The following SGCD variants were observed in gnomAD, a reference collection of about 807,000 sequenced individuals.
SGCD encodes delta-sarcoglycan.
Under a neutral mutation model 36.6 loss-of-function variants are expected in SGCD, and 18 were observed. The observed-to-expected ratio is 0.49, with a 90% CI of 0.34 to 0.73. The LOEUF (loss-of-function observed/expected upper bound fraction) is 0.73. Ranked by LOEUF, SGCD falls within the 30% of genes least tolerant of loss-of-function variation. The pLI is 0.01. For synonymous variants in SGCD, 133 were observed against 130.6 expected, an observed-to-expected ratio of 1.02 and a Z score of -0.12; for missense variants, 387 against 346.7, an observed-to-expected ratio of 1.12 and a Z score of -0.92.
intron 1 of SGCD, among the ~76,000 whole-genome samples, chr5:156,111,158 T>A (rs1259541418): frequency 3.3e-5 from 5 of 152,180 alleles, no homozygotes; most frequent in Admixed American, 6.5e-5. Flanking sequence ...TCAAATCTGT[T>A]TTCATACTTC....
intron 6 of SGCD, among the ~76,000 whole-genome samples, chr5:156,635,806 G>T (rs1762805447): frequency 7.3e-6 from 1 of 137,224 alleles, no homozygotes; most frequent in Non-Finnish European, 1.5e-5. Flanking sequence ...AAGACCACAT[G>T]TTCTCACTCA....
chr5:156,234,960 T>A (rs1171416823), intron 3 of SGCD, among the ~76,000 whole-genome samples: 1 of 152,178 alleles, frequency 6.6e-6, no homozygotes, highest in Non-Finnish European at 1.5e-5. Context: ...CCCTAACTGA[T>A]ACAAGGGAAG....
At chr5:156,562,350 A>G (rs1333295595) in intron 4 of SGCD, among the ~76,000 whole-genome samples, 1 of 152,176 alleles carries the variant, frequency 6.6e-6, no homozygotes, top group Non-Finnish European at 1.5e-5. Flanking sequence ...TTAAGCAAGC[A>G]CATGAAGGTG....
At chr5:155,950,411 T>A (rs1460040321) in intron 1 of SGCD, among the ~76,000 whole-genome samples, 4 of 152,180 alleles carry the variant, frequency 2.6e-5, no homozygotes, top group African/African-American at 9.6e-5. Flanking sequence ...ACCTAATGTC[T>A]ACGGCGAGGA....
At chr5:156,400,566 T>C (rs1772093579) in intron 3 of SGCD, among the ~76,000 whole-genome samples, 1 of 152,190 alleles carries the variant, frequency 6.6e-6, no homozygotes, top group Admixed American at 6.5e-5. Context: ...AAAAGAAAGA[T>C]CACCTACTCC....
chr5:156,443,628 G>C (rs1753602617), intron 3 of SGCD, among the ~76,000 whole-genome samples: 2 of 152,116 alleles, frequency 1.3e-5, no homozygotes, highest in Non-Finnish European at 2.9e-5. Context: ...GACATGTAAA[G>C]ACTCCAGGAT....
the SGCD span, among the ~76,000 whole-genome samples, chr5:155,838,596 G>C: frequency 1.3e-5 from 2 of 152,010 alleles, no homozygotes; most frequent in African/African-American, 2.4e-5. Flanking sequence ...GAGAATCCAC[G>C]AGATCAAGAC....
the SGCD span, among the ~76,000 whole-genome samples, chr5:155,762,719 C>T: frequency 6.6e-6 from 1 of 152,170 alleles, no homozygotes; most frequent in Non-Finnish European, 1.5e-5. Context: ...CACAATATTT[C>T]CATTAAACAT....
At chr5:155,806,733 A>C in the SGCD span, among the ~76,000 whole-genome samples, 1 of 152,208 alleles carries the variant, frequency 6.6e-6, no homozygotes, top group African/African-American at 2.4e-5. Context: ...ACTTGATATA[A>C]ATACTTTGAA....
the SGCD span, among the ~76,000 whole-genome samples, chr5:155,796,171 A>G: frequency 6.6e-6 from 1 of 152,176 alleles, no homozygotes; most frequent in African/African-American, 2.4e-5. Flanking sequence ...GTGTGTACAA[A>G]TCATCACCCA....
At chr5:156,313,539 G>T (rs942498027) in intron 3 of SGCD, among the ~76,000 whole-genome samples, 4 of 152,016 alleles carry the variant, frequency 2.6e-5, no homozygotes, top group Non-Finnish European at 4.4e-5. Context: ...GACAGCCTGT[G>T]CATCTTCTCC....
intron 1 of SGCD, among the ~76,000 whole-genome samples, chr5:155,921,120 G>A (rs1561650597): frequency 6.6e-6 from 1 of 152,178 alleles, no homozygotes; most frequent in Non-Finnish European, 1.5e-5. Flanking sequence ...GGAATCTCAA[G>A]GGAGGTTGGT....
In SGCD at chr5:156,078,945, G is replaced by A. The variant is rs75719282; in HGVS notation, c.-281-38933G>A. On this transcript the variant is annotated intron_variant, in intron 1 of 9. Transcript: ENST00000517913. The stretch of plus-strand genomic sequence containing the variant: ...ACTAAACAATTCCAACCTCACAACA[G>A]TTCTTCATGTTGCCTTTTGTGCTAG... Among the ~76,000 whole-genome samples, 819 of 147,718 alleles carry A rather than the reference G, an allele frequency of 5.5e-3. 5 individuals are homozygous for A. Among genetic ancestry groups the A allele is most frequent in the African/African-American group, 0.02 (787 of 40,080 alleles).
intron 1 of SGCD, among the ~76,000 whole-genome samples, chr5:155,880,977 T>C (rs913439310): frequency 6.6e-6 from 1 of 152,156 alleles, no homozygotes; most frequent in South Asian, 2.1e-4. Flanking sequence ...TTATTTCTTA[T>C]AGAAGTTCAT....
At chr5:156,594,705 A>G (rs1338015547) in intron 5 of SGCD, among the ~76,000 whole-genome samples, 2 of 152,196 alleles carry the variant, frequency 1.3e-5, no homozygotes, top group African/African-American at 4.8e-5. Context: ...ATAGCCCAAG[A>G]ATATATTACT....
At chr5:155,914,990 G>A (rs757811109) in intron 1 of SGCD, among the ~76,000 whole-genome samples, 17 of 152,176 alleles carry the variant, frequency 1.1e-4, no homozygotes, top group Non-Finnish European at 1.6e-4. Flanking sequence ...TTAGACCACA[G>A]TGTACTCCCA....
chr5:156,134,614 C>T (rs906999305), intron 3 of SGCD, among the ~76,000 whole-genome samples: 1 of 150,194 alleles, frequency 6.7e-6, no homozygotes, highest in African/African-American at 2.5e-5. Context: ...CCAAACACCA[C>T]AGGTTCTCAC....
chr5:156,331,426 G>C (rs1473544511), intron 2 of SGCD, among the ~76,000 whole-genome samples: 2 of 152,204 alleles, frequency 1.3e-5, no homozygotes, highest in Non-Finnish European at 2.9e-5. Context: ...AGAAAGCTTT[G>C]TTGGTGGTTG....
chr5:156,113,510 T>C (rs1023797931), intron 1 of SGCD, among the ~76,000 whole-genome samples: 4 of 152,194 alleles, frequency 2.6e-5, no homozygotes, highest in African/African-American at 9.6e-5. Context: ...TAAGATATTT[T>C]AGGATTAATA....
Sources: gnomAD v4.1 joint callset for allele counts (sites outside exome capture counted in the v4.1 genomes callset) on GRCh38, gnomAD v4.1.1 for gene constraint, MANE v1.5 for transcripts, NCBI Gene and HGNC (gene_info 2026-07-23, HGNC 2026-07-21) for gene names.